The following ABCA5 variants were observed in gnomAD, a reference collection of about 807,000 sequenced individuals.
ABCA5 encodes the protein ATP binding cassette subfamily A member 5, also known as cholesterol transporter ABCA5.
A neutral mutation model predicts 206.0 loss-of-function variants in ABCA5; 163 were observed. That is an observed-to-expected ratio of 0.79 (90% CI 0.70 to 0.90). The LOEUF (loss-of-function observed/expected upper bound fraction) is 0.90. Ranked by LOEUF, ABCA5 falls within the 40% of genes least tolerant of loss-of-function variation. ABCA5 has a pLI of 0.00. For missense variants in ABCA5, 1,859 were observed against 1,912.9 expected (o/e 0.97, Z 0.53); for synonymous variants, 609 against 613.8 (o/e 0.99, Z 0.11).
Position 69,302,835 on chromosome 17 carries a change from A to C in ABCA5, c.1002T>G (p.Val334=), listed in dbSNP as rs758390283. The change falls in exon 8 of 39, where the codon GTT becomes GTG. Residue 334 remains valine, a synonymous_variant. Transcript: ENST00000392676. ...SKHVGIVEFF[V]TVAFGFIGLM... Reference sequence around the variant, plus strand: ...GGCCAATAAATCCAAAAGCCACAGTAACAAAAAATTCAACTATTCCCACAT... The same window carrying C: ...GGCCAATAAATCCAAAAGCCACAGTCACAAAAAATTCAACTATTCCCACAT... 1 of 1,594,660 alleles carries C rather than the reference A, an allele frequency of 6.3e-7. No individual in the cohort carries two copies. Among genetic ancestry groups the C allele is most frequent in the South Asian group, 1.2e-5 (1 of 86,522 alleles).
Position 69,306,861 on chromosome 17 carries a change from G to C in ABCA5, c.652C>G (p.Arg218Gly). Reference protein sequence around the residue: ...TAVVEIDTFPRGVILIYLVIA... With the variant: ...TAVVEIDTFPGGVILIYLVIA... The stretch of plus-strand genomic sequence containing the variant: ...ACTAGGTATATTAAAATTACTCCTC[G>C]GGGAAAGGTATCTATTTCTACAACA... The change falls in exon 6 of 39, where the codon CGA (arginine) becomes GGA (glycine). Residue 218 changes from arginine (R) to glycine (G), a missense_variant. Transcript: ENST00000392676. The C allele has an allele frequency of 6.2e-7, 1 of 1,601,324 alleles. No individual in the cohort carries two copies. The highest frequency in any genetic ancestry group is 8.5e-7 in the Non-Finnish European group (1 of 1,173,230).
At chr17:69,279,644 C>T (rs1372322201) in intron 18 of ABCA5, among the ~76,000 whole-genome samples, 18 of 151,932 alleles carry the variant, frequency 1.2e-4, no homozygotes, top group Admixed American at 2.6e-4. Context: ...ACTACAAGGC[C>T]ACAGTAACCA....
chr17:69,317,877 A>G (rs1264982072), intron 1 of ABCA5: 1 of 152,214 alleles, frequency 6.6e-6, no homozygotes, highest in Non-Finnish European at 1.5e-5. Context: ...CACTGCCCCT[A>G]TTCAAATACA....
In ABCA5 at chr17:69,313,106, T is replaced by A; in HGVS notation, c.293A>T (p.Asp98Val). 6.2e-7 allele frequency: 1 copy of A among 1,605,972 alleles called. No homozygotes were observed. The highest frequency in any genetic ancestry group is 2.2e-5 in the East Asian group (1 of 44,580). Reference sequence around the variant, plus strand: ...GCTCACAATACCATCAGGTAGATGATCAGTAGACACTTTCTGCATGATGCT... The same window carrying A: ...GCTCACAATACCATCAGGTAGATGAACAGTAGACACTTTCTGCATGATGCT... ...TSSIMQKVST[D>V]HLPDVIITEE... Residue 98 changes from aspartate to valine, a missense_variant, in exon 3 of 39, where the codon GAT becomes GTT. Coordinates refer to ENST00000392676, the MANE Select transcript of ABCA5 (RefSeq NM_172232.4).
Position 69,253,798 on chromosome 17 carries a change from C to A in ABCA5, c.4316G>T (p.Arg1439Leu). ...TTTGGTGTTTAATGAAAGTACCTTTCGTTTGATTCCTGCAGGTAGTTTCTT... is the reference window on the plus strand; with the variant it reads ...TTTGGTGTTTAATGAAAGTACCTTTAGTTTGATTCCTGCAGGTAGTTTCTT... Reference protein sequence around the residue: ...TVKKLPAGIKRKLCFALSMLG... With the variant: ...TVKKLPAGIKLKLCFALSMLG... The change falls in exon 33 of 39, where the codon CGA becomes CTA. Residue 1439 changes from arginine (R) to leucine (L), a missense_variant. Arg to Leu is a moderately radical substitution (Grantham distance 102). Coordinates refer to ENST00000392676, the MANE Select transcript of ABCA5 (RefSeq NM_172232.4). 1 of 1,611,926 alleles carries A rather than the reference C, an allele frequency of 6.2e-7. No homozygotes were observed. Among genetic ancestry groups the A allele is most frequent in the Non-Finnish European group, 8.5e-7 (1 of 1,178,632 alleles).
intron 14 of ABCA5, 72 bp downstream of exon 14, chr17:69,289,105 T>C: frequency 6.9e-7 from 1 of 1,458,536 alleles, no homozygotes; most frequent in South Asian, 1.3e-5. Context: ...ATGTATTATA[T>C]CTTTCTACAA....
chr17:69,260,035 C>G (rs1331149600), intron 27 of ABCA5, among the ~76,000 whole-genome samples: 1 of 151,832 alleles, frequency 6.6e-6, no homozygotes, highest in Non-Finnish European at 1.5e-5. Context: ...CTGTATCATT[C>G]ATTTATTGTC....
chr17:69,273,812 T>C (rs1431823969), intron 20 of ABCA5, 147 bp downstream of exon 20: 3 of 726,840 alleles, frequency 4.1e-6, no homozygotes, highest in Non-Finnish European at 2.0e-6. Flanking sequence ...TCAGCATCAA[T>C]AAGATACGTA....
intron 5 of ABCA5, 82 bp from the exon 6 acceptor site, chr17:69,307,036 A>T (rs2075725354): frequency 1.0e-6 from 1 of 964,304 alleles, no homozygotes; most frequent in African/African-American, 1.7e-5. Flanking sequence ...TATATCCCTA[A>T]ATTTGGTCAG....
At chr17:69,291,056 AT>A in intron 12 of ABCA5, among the ~76,000 whole-genome samples, 159 bp downstream of exon 12, 1 of 152,286 alleles carries the variant, frequency 6.6e-6, no homozygotes, top group South Asian at 2.1e-4. Flanking sequence ...TGATAGAATC[AT>A]TTTTATCTTC....
At chr17:69,261,024 C>A in intron 26 of ABCA5, 101 bp downstream of exon 26, 1 of 944,184 alleles carries the variant, frequency 1.1e-6, no homozygotes, top group Non-Finnish European at 1.6e-6. Context: ...TAGCCATTAG[C>A]CCAATGCATT....
intron 1 of ABCA5, among the ~76,000 whole-genome samples, chr17:69,319,356 A>G (rs2075844878): frequency 6.6e-6 from 1 of 152,224 alleles, no homozygotes; most frequent in African/African-American, 2.4e-5. Flanking sequence ...CATAGAGTAG[A>G]TGGATTCACA....
intron 23 of ABCA5, 31 bp from the exon 24 acceptor site, chr17:69,264,936 T>A (rs2075191757): frequency 7.3e-7 from 1 of 1,378,030 alleles, no homozygotes; most frequent in Non-Finnish European, 9.6e-7. Flanking sequence ...TTTATTATAA[T>A]TTTAGACACT....
intron 22 of ABCA5, chr17:69,268,908 G>A (rs1249746181): frequency 1.3e-5 from 2 of 152,170 alleles, no homozygotes; most frequent in African/African-American, 4.8e-5. Flanking sequence ...ATATGACATT[G>A]CAGAATTTGT....
chr17:69,251,824 A>G lies in ABCA5; in HGVS notation c.4458T>C (p.Ala1486=), dbSNP rs1415391020. ...RTAFKNRKRA[A]ILTTHYMEEA... Reference sequence around the variant, plus strand: ...CCTCCATATAGTGAGTGGTCAGAATAGCAGCCCGCTTTCTGTTTTTAAATG... The same window carrying G: ...CCTCCATATAGTGAGTGGTCAGAATGGCAGCCCGCTTTCTGTTTTTAAATG... The change falls in exon 35 of 39, where the codon GCT becomes GCC. Residue 1486 remains alanine (A), a synonymous_variant. Transcript: ENST00000392676. The G allele has an allele frequency of 5.0e-6, 8 of 1,613,814 alleles. No individual in the cohort carries two copies. The highest frequency in any genetic ancestry group is 5.9e-6 in the Non-Finnish European group (7 of 1,179,950).
chr17:69,285,332 A>G (rs2075438947), intron 17 of ABCA5: 1 of 151,770 alleles, frequency 6.6e-6, no homozygotes, highest in Non-Finnish European at 1.5e-5. Context: ...AAAAAAAAAC[A>G]AGTATTTTTC....
At chr17:69,296,767 C>T (rs2144997578) in intron 10 of ABCA5, among the ~76,000 whole-genome samples, 1 of 152,256 alleles carries the variant, frequency 6.6e-6, no homozygotes, top group Non-Finnish European at 1.5e-5. Context: ...GAATTCGAGA[C>T]CAGTCTGGCC....
chr17:69,322,907 C>T (rs1410226159), intron 1 of ABCA5, among the ~76,000 whole-genome samples: 1 of 152,096 alleles, frequency 6.6e-6, no homozygotes, highest in Non-Finnish European at 1.5e-5. Flanking sequence ...TGTTTAGAGC[C>T]ATCCTGATAA....
intron 23 of ABCA5, among the ~76,000 whole-genome samples, 169 bp downstream of exon 23, chr17:69,267,774 T>C (rs571115140): frequency 1.3e-5 from 2 of 152,248 alleles, no homozygotes; most frequent in African/African-American, 4.8e-5. Flanking sequence ...TCTCAAATAA[T>C]AAATATTAAT....
Sources: allele counts gnomAD v4.1 joint callset (sites outside exome capture counted in the v4.1 genomes callset), GRCh38; gene constraint gnomAD v4.1.1; transcripts MANE v1.5; gene names NCBI Gene and HGNC (gene_info 2026-07-23, HGNC 2026-07-21).